The following DLC1 variants were observed in gnomAD, a reference collection of about 807,000 sequenced individuals.
DLC1 encodes the protein rho GTPase-activating protein 7.
DLC1 carries 54 observed loss-of-function variants against 140.3 expected under a neutral mutation model. The ratio of observed to expected loss-of-function variants is 0.38; its 90% CI spans 0.31 to 0.48. DLC1 has a LOEUF of 0.48. DLC1 is among the 20% of genes least tolerant of loss of function. DLC1 has a pLI of 0.96. For synonymous variants in DLC1, 986 were observed against 728.1 expected (o/e 1.35, Z -5.70); for missense variants, 2,536 against 1,907.0 (o/e 1.33, Z -6.14).
In DLC1 at chr8:13,086,485, C is replaced by G. The variant is rs766030996; in HGVS notation, c.4293-22G>C. On this transcript the variant is annotated intron_variant, in intron 16 of 17. Transcript: ENST00000276297. The stretch of plus-strand genomic sequence containing the variant: ...GGTTCTGTAGAGACAAAACCAGAGG[C>G]AGAAATGATGGAATTTCATAGAAGC... 5 of 1,603,058 alleles carry G rather than the reference C, an allele frequency of 3.1e-6. No homozygotes were observed. The Admixed American group carries it at 7.0e-5, about 22-fold the overall frequency.
At chr8:13,424,393 A>T (rs1333737673) in intron 2 of DLC1, among the ~76,000 whole-genome samples, 1 of 151,886 alleles carries the variant, frequency 6.6e-6, no homozygotes, top group Non-Finnish European at 1.5e-5. Flanking sequence ...GGAGGCTGAG[A>T]CAGGAGAATT....
At chr8:13,138,015 C>T (rs1481458903) in intron 5 of DLC1, among the ~76,000 whole-genome samples, 2 of 152,208 alleles carry the variant, frequency 1.3e-5, no homozygotes, top group African/African-American at 2.4e-5. Context: ...AACTCCTAAA[C>T]TGCATGACAG....
At chr8:13,277,405 C>T (rs999753133) in intron 5 of DLC1, among the ~76,000 whole-genome samples, 2 of 152,180 alleles carry the variant, frequency 1.3e-5, no homozygotes, top group African/African-American at 2.4e-5. Flanking sequence ...CTTCTACTTA[C>T]AGTGGTTTAA....
intron 5 of DLC1, among the ~76,000 whole-genome samples, chr8:13,192,708 A>T (rs1241085546): frequency 1.3e-5 from 2 of 152,196 alleles, no homozygotes; most frequent in African/African-American, 4.8e-5. Context: ...TGAGTGGGTT[A>T]AAATGATGCT....
In DLC1 at chr8:13,293,785, A is replaced by G. The variant is rs150513312; in HGVS notation, c.1348+11484T>C. On this transcript the variant is annotated intron_variant, in intron 5 of 17. Coordinates refer to ENST00000276297, the MANE Select transcript of DLC1 (RefSeq NM_182643.3). ...TGTGGGAGGAAACATTTGAATCAGA[A>G]CATATTAAAAGAGAAATTGTCATCT... Among the ~76,000 whole-genome samples, 466 of 152,242 alleles carry G rather than the reference A, an allele frequency of 3.1e-3. 4 individuals are homozygous for G. Among genetic ancestry groups the G allele is most frequent in the African/African-American group, 0.01 (436 of 41,532 alleles).
At chr8:13,537,607 G>T (rs1803328086) in intron 1 of DLC1, among the ~76,000 whole-genome samples, 1 of 151,068 alleles carries the variant, frequency 6.6e-6, no homozygotes, top group African/African-American at 2.4e-5. Context: ...TAATAACTAG[G>T]ATGATAAGAA....
chr8:13,601,060 A>G (rs1040963310), intron 1 of DLC1, among the ~76,000 whole-genome samples: 21 of 151,794 alleles, frequency 1.4e-4, no homozygotes, highest in African/African-American at 5.1e-4. Context: ...CTTTGAGCCA[A>G]TCTCGTAAAG....
At chr8:13,598,659 A>G (rs1805761899) in intron 1 of DLC1, among the ~76,000 whole-genome samples, 1 of 152,134 alleles carries the variant, frequency 6.6e-6, no homozygotes, top group Non-Finnish European at 1.5e-5. Context: ...TTTTTCTTAC[A>G]TAACTCAATA....
In DLC1 at chr8:13,099,542, T is replaced by C; in HGVS notation, c.2795A>G (p.Asp932Gly). 6.2e-7 allele frequency: 1 copy of C among 1,614,114 alleles called. No individual in the cohort carries two copies. The highest frequency in any genetic ancestry group is 8.5e-7 in the Non-Finnish European group (1 of 1,180,026). ...QWSEKFSDEG[D>G]SDSALDSVSP... Reference sequence around the variant, plus strand: ...GACCGAGTCCAGGGCTGAGTCCGAATCTCCCTCATCAGAAAACTTCTCCGA... The same window carrying C: ...GACCGAGTCCAGGGCTGAGTCCGAACCTCCCTCATCAGAAAACTTCTCCGA... Residue 932 changes from aspartate to glycine, a missense_variant, in exon 9 of 18, where the codon GAT becomes GGT. Coordinates refer to ENST00000276297, the MANE Select transcript of DLC1 (RefSeq NM_182643.3).
intron 5 of DLC1, among the ~76,000 whole-genome samples, chr8:13,199,949 A>G (rs1255212939): frequency 2.6e-5 from 4 of 152,320 alleles, no homozygotes; most frequent in African/African-American, 9.6e-5. Context: ...AATGGCCTGC[A>G]TGTATTAAGT....
At chr8:13,260,609 T>A (rs1830435804) in intron 5 of DLC1, among the ~76,000 whole-genome samples, 1 of 151,942 alleles carries the variant, frequency 6.6e-6, no homozygotes, top group Admixed American at 6.6e-5. Flanking sequence ...AAGGTGAGGA[T>A]AGGACAAGAT....
chr8:13,366,614 A>G (rs1370575914), intron 4 of DLC1, among the ~76,000 whole-genome samples: 4 of 152,216 alleles, frequency 2.6e-5, no homozygotes, highest in Admixed American at 2.6e-4. Flanking sequence ...AGTTCAAACA[A>G]CAAAAAATTT....
intron 1 of DLC1, among the ~76,000 whole-genome samples, chr8:13,576,961 G>C (rs1804861644): frequency 6.6e-6 from 1 of 151,914 alleles, no homozygotes. Flanking sequence ...GCTTACCGAG[G>C]AACATATTAG....
chr8:13,211,612 A>C (rs972886103), intron 5 of DLC1, among the ~76,000 whole-genome samples: 1 of 151,626 alleles, frequency 6.6e-6, no homozygotes, highest in African/African-American at 2.4e-5. Flanking sequence ...TCTTTCTAAA[A>C]CTCCTTGCAA....
intron 2 of DLC1, among the ~76,000 whole-genome samples, chr8:13,470,577 C>A (rs1427614525): frequency 3.3e-5 from 5 of 152,192 alleles, no homozygotes; most frequent in African/African-American, 1.2e-4. Flanking sequence ...TATTACCCCA[C>A]ACCTGTTGGG....
At chr8:13,188,801 G>GTATATATATATA (rs1237501850) in intron 5 of DLC1, among the ~76,000 whole-genome samples, 75 of 71,892 alleles carry the variant, frequency 1.0e-3, no homozygotes, top group Non-Finnish European at 1.4e-3. Context: ...GTGTGTGTGT[G>GTATATATATATA]TATATATATA....
chr8:13,222,810 C>G (rs1285097951), intron 5 of DLC1, among the ~76,000 whole-genome samples: 1 of 152,152 alleles, frequency 6.6e-6, no homozygotes, highest in Non-Finnish European at 1.5e-5. Context: ...GCGATGCAAT[C>G]ATAGCTCACT....
At chr8:13,403,070 C>G (rs1837368094) in intron 2 of DLC1, among the ~76,000 whole-genome samples, 1 of 152,180 alleles carries the variant, frequency 6.6e-6, no homozygotes, top group Non-Finnish European at 1.5e-5. Flanking sequence ...ATTGAAACAG[C>G]TAGCCCTGTT....
intron 2 of DLC1, among the ~76,000 whole-genome samples, chr8:13,433,395 T>G (rs1480830272): frequency 6.6e-6 from 1 of 152,096 alleles, no homozygotes; most frequent in African/African-American, 2.4e-5. Flanking sequence ...TCTATTAAGG[T>G]AGTTACAGAT....
Sources: allele counts gnomAD v4.1 joint callset (sites outside exome capture counted in the v4.1 genomes callset), GRCh38; gene constraint gnomAD v4.1.1; transcripts MANE v1.5; gene names NCBI Gene and HGNC (gene_info 2026-07-23, HGNC 2026-07-21).